PROS1: variants seen among roughly 807,000 people sequenced by gnomAD.
The protein encoded by PROS1 is protein S.
A neutral mutation model predicts 75.9 loss-of-function variants in PROS1; 29 were observed. The observed-to-expected ratio is 0.38, with a 90% CI of 0.28 to 0.52. PROS1 has a LOEUF of 0.52. Ranked by LOEUF, PROS1 falls within the 20% of genes least tolerant of loss-of-function variation. The pLI is 0.83. For synonymous variants in PROS1, 245 were observed against 280.6 expected (o/e 0.87, Z 1.27); for missense variants, 680 against 810.3 (o/e 0.84, Z 1.95).
intron 1 of PROS1, among the ~76,000 whole-genome samples, chr3:93,929,955 A>G (rs1163208026): frequency 1.3e-5 from 2 of 152,216 alleles, no homozygotes; most frequent in Admixed American, 6.5e-5. Flanking sequence ...ACAATAAGCA[A>G]TAAATACTCA....
At chr3:93,885,200 T>C (rs1708329226) in intron 11 of PROS1, among the ~76,000 whole-genome samples, 1 of 152,118 alleles carries the variant, frequency 6.6e-6, no homozygotes, top group African/African-American at 2.4e-5. Context: ...CTATATTTGC[T>C]TCTAGCTGTG....
intron 1 of PROS1, among the ~76,000 whole-genome samples, chr3:93,928,548 A>T (rs1403976973): frequency 1.3e-5 from 2 of 151,542 alleles, no homozygotes; most frequent in Non-Finnish European, 2.9e-5. Context: ...AAAAAAAAAA[A>T]AAAGCCATAC....
intron 1 of PROS1, among the ~76,000 whole-genome samples, chr3:93,947,211 A>C (rs1371420610): frequency 6.6e-6 from 1 of 152,124 alleles, no homozygotes; most frequent in Non-Finnish European, 1.5e-5. Context: ...GAACACTTTT[A>C]CTCTGTTGGT....
At chr3:93,890,743 T>C (rs1278183883) in intron 10 of PROS1, among the ~76,000 whole-genome samples, 1 of 152,214 alleles carries the variant, frequency 6.6e-6, no homozygotes, top group Non-Finnish European at 1.5e-5. Flanking sequence ...GCTTACTGAA[T>C]AAATGAGTGC....
intron 10 of PROS1, among the ~76,000 whole-genome samples, chr3:93,892,650 C>G (rs897337010): frequency 6.6e-6 from 1 of 151,778 alleles, no homozygotes; most frequent in Non-Finnish European, 1.5e-5. Context: ...TGTTAGGCCT[C>G]CTAATAGTCC....
intron 1 of PROS1, chr3:93,928,729 C>T (rs1709063738): frequency 7.7e-7 from 1 of 1,294,044 alleles, no homozygotes; most frequent in Non-Finnish European, 1.0e-6. Context: ...AAATTGCATC[C>T]AGATAAGCCG....
chr3:93,881,575 T>G (rs1203655603), intron 12 of PROS1, among the ~76,000 whole-genome samples: 3 of 149,714 alleles, frequency 2.0e-5, no homozygotes, highest in African/African-American at 7.5e-5. Context: ...TTTTTTTTTT[T>G]GTGAGACATG....
chr3:93,896,364 C>G (rs1426075952), intron 9 of PROS1, among the ~76,000 whole-genome samples: 1 of 152,122 alleles, frequency 6.6e-6, no homozygotes, highest in African/African-American at 2.4e-5. Flanking sequence ...TGGGGAAAGT[C>G]AGCCTAGAAT....
At position 93,917,788 on chromosome 3, in the gene PROS1, G is replaced by A. The variant is rs1033136652; in HGVS notation, c.259+6452C>T. 1.1e-4 allele frequency among the ~76,000 whole-genome samples: 16 copies of A among 152,164 alleles called. No homozygotes were observed. The East Asian group carries it at 1.4e-3, about 13-fold the overall frequency. Reference sequence around the variant, plus strand: ...AGCAGTGCTGGCCCACTGGCGCTGCGCTTGATTTCTCGCCAGGCCTTAGCT... The same window carrying A: ...AGCAGTGCTGGCCCACTGGCGCTGCACTTGATTTCTCGCCAGGCCTTAGCT... On this transcript the variant is annotated intron_variant, in intron 3 of 14. Coordinates refer to ENST00000394236, the MANE Select transcript of PROS1 (RefSeq NM_000313.4).
At chr3:93,905,950 A>T (rs1396991073) in intron 5 of PROS1, 35 bp from the exon 6 acceptor site, 2 of 1,612,616 alleles carry the variant, frequency 1.2e-6, no homozygotes, top group Non-Finnish European at 1.7e-6. Flanking sequence ...TTTTTAAAGT[A>T]ATATAACCTG....
intron 6 of PROS1, 85 bp downstream of exon 6, chr3:93,905,699 T>G: frequency 6.8e-7 from 1 of 1,462,150 alleles, no homozygotes; most frequent in South Asian, 1.2e-5. Flanking sequence ...CATATCATTT[T>G]TCCAAAAATT....
chr3:93,952,640 T>C (rs1709522308), intron 1 of PROS1, among the ~76,000 whole-genome samples: 1 of 152,152 alleles, frequency 6.6e-6, no homozygotes, highest in Non-Finnish European at 1.5e-5. Flanking sequence ...AGATCTAAAA[T>C]TGACACCCTA....
rs377140500 is a variant in PROS1 at position 93,973,505 on chromosome 3, T to A, written c.76+169A>T. The A allele has an allele frequency of 1.7e-5, 12 of 690,254 alleles. No homozygotes were observed. In the East Asian group the frequency reaches 3.3e-4, roughly 19 times the overall value. The allele number at this position is 690,254 out of a possible 1,614,324, so 42.8% of individuals were successfully genotyped here. A position where few individuals can be genotyped will look rare whatever the true frequency, so the allele number is the denominator to read the frequency against. ...GCAAATAGTGATCCTGCCCCACCAT[T>A]GCACTGCCTGCTCTATCCACGGCTG... On this transcript the variant is annotated intron_variant, in intron 1 of 14. Transcript: ENST00000394236.
intron 7 of PROS1, among the ~76,000 whole-genome samples, chr3:93,899,381 C>A (rs1708551147): frequency 6.6e-6 from 1 of 151,862 alleles, no homozygotes; most frequent in Non-Finnish European, 1.5e-5. Flanking sequence ...TGAATATGTT[C>A]TCATAAAATA....
intron 1 of PROS1, among the ~76,000 whole-genome samples, chr3:93,956,563 A>ACACACAAACAACAC: frequency 1.6e-5 from 2 of 128,380 alleles, no homozygotes; most frequent in South Asian, 5.1e-4. Context: ...CACACACACA[A>ACACACAAACAACAC]ACACACACAC....
At chr3:93,972,027 C>T (rs1709889464) in intron 1 of PROS1, among the ~76,000 whole-genome samples, 1 of 151,974 alleles carries the variant, frequency 6.6e-6, no homozygotes, top group African/African-American at 2.4e-5. Context: ...AGTGTAATTC[C>T]CCATATGTTT....
At chr3:93,960,533 T>C (rs1211317384) in intron 1 of PROS1, among the ~76,000 whole-genome samples, 3 of 100,188 alleles carry the variant, frequency 3.0e-5, no homozygotes, top group African/African-American at 1.0e-4. Context: ...TCCATTGCTC[T>C]TTTTTTTTTT....
intron 1 of PROS1, among the ~76,000 whole-genome samples, chr3:93,968,702 G>A (rs1327866454): frequency 6.6e-6 from 1 of 152,006 alleles, no homozygotes; most frequent in Admixed American, 6.6e-5. Context: ...CTGCTGTGTT[G>A]CCATTTGAAG....
intron 1 of PROS1, among the ~76,000 whole-genome samples, chr3:93,948,421 G>A (rs1277350239): frequency 1.3e-5 from 2 of 152,128 alleles, no homozygotes; most frequent in Non-Finnish European, 2.9e-5. Context: ...ATGTCTATTA[G>A]GTCTGCTTGG....
Sources: allele counts gnomAD v4.1 joint callset (sites outside exome capture counted in the v4.1 genomes callset), GRCh38; gene constraint gnomAD v4.1.1; transcripts MANE v1.5; gene names NCBI Gene and HGNC (gene_info 2026-07-23, HGNC 2026-07-21).